The following EPHA3 variants were observed in gnomAD, a reference collection of about 807,000 sequenced individuals.
EPHA3 encodes the protein EPH receptor A3.
In EPHA3, 42 loss-of-function variants were observed where a neutral mutation model predicts 107.1. That is an observed-to-expected ratio of 0.39 (90% confidence interval 0.31 to 0.51). The LOEUF is 0.51. Ranked by LOEUF, EPHA3 falls within the 20% of genes least tolerant of loss-of-function variation. The probability of loss-of-function intolerance (pLI) is 0.78; values close to 1 mark genes in which losing one functional copy is unlikely to be tolerated. For synonymous variants in EPHA3, 461 were observed against 424.8 expected (o/e 1.09, Z -1.05); for missense variants, 1,183 against 1,211.2 (o/e 0.98, Z 0.35).
chr3:89,324,785 A>T (rs1478888665), intron 3 of EPHA3, among the ~76,000 whole-genome samples: 2 of 152,106 alleles, frequency 1.3e-5, no homozygotes, highest in Admixed American at 1.3e-4. Flanking sequence ...GAGATTTCGG[A>T]TATGAATGAT....
chr3:89,128,964 T>C (rs891325523), intron 2 of EPHA3, among the ~76,000 whole-genome samples: 6 of 152,066 alleles, frequency 3.9e-5, no homozygotes, highest in Non-Finnish European at 7.4e-5. Context: ...CAGTGGGGTA[T>C]TCTTAGCACC....
Position 89,472,514 on chromosome 3 carries a change from G to A in EPHA3, c.2741G>A (p.Arg914His), listed in dbSNP as rs17801309. ...DQSNVDITTF[R>H]TTGDWLNGVW... ...AGCAATGTGGATATCACTACCTTCC[G>A]CACAACAGGTGACTGGCTTAATGGT... The change falls in exon 16 of 17, where the codon CGC (arginine) becomes CAC (histidine). Residue 914 changes from arginine to histidine, a missense_variant. By Grantham distance (29) the Arg-to-His change is conservative. Transcript: ENST00000336596. The A allele has an allele frequency of 0.083, 133,613 of 1,613,382 alleles. 5,870 individuals are homozygous for A. The highest frequency in any genetic ancestry group is 0.1 in the Middle Eastern group (610 of 6,062).
At position 89,252,994 on chromosome 3, in the gene EPHA3, C is replaced by G. The variant is rs1576266499; in HGVS notation, c.814+42474C>G. On this transcript the variant is annotated intron_variant, in intron 3 of 16. Coordinates refer to ENST00000336596, the MANE Select transcript of EPHA3 (RefSeq NM_005233.6). ...AAACTTGCTTTACTTCTCTCTGCCCCCAACTTAGTCATTCTCCATTGCCAG... is the reference window on the plus strand; with the variant it reads ...AAACTTGCTTTACTTCTCTCTGCCCGCAACTTAGTCATTCTCCATTGCCAG... Among the ~76,000 whole-genome samples the G allele has an allele frequency of 2.6e-5, 4 of 151,834 alleles. No homozygotes were observed. The South Asian group carries it at 8.3e-4, about 32-fold the overall frequency.
In EPHA3 at chr3:89,419,366, C is replaced by T. The variant is rs1453560937; in HGVS notation, c.2050C>T (p.Arg684Ter). ...ACAGTTTGACCACCCCAATATCATT[C>T]GACTGGAAGGAGTTGTTACCAAAAG... ...MGQFDHPNII[R>*]LEGVVTKSKP... Residue 684 changes from arginine (R) to a stop codon, truncating the protein, a stop_gained, in exon 11 of 17, where the codon CGA (arginine) becomes TGA (stop). Transcript: ENST00000336596. LOFTEE classifies it high-confidence loss of function. 4 of 1,597,738 alleles carry T rather than the reference C, an allele frequency of 2.5e-6. No homozygotes were observed. Among genetic ancestry groups the T allele is most frequent in the South Asian group, 1.1e-5 (1 of 88,786 alleles).
At chr3:89,145,402 A>G (rs1318199874) in intron 2 of EPHA3, among the ~76,000 whole-genome samples, 1 of 151,766 alleles carries the variant, frequency 6.6e-6, no homozygotes, top group Non-Finnish European at 1.5e-5. Context: ...CTGTGTGAAC[A>G]TACTCAATTT....
intron 3 of EPHA3, among the ~76,000 whole-genome samples, chr3:89,259,006 A>C (rs1226287477): frequency 1.3e-5 from 2 of 152,170 alleles, no homozygotes; most frequent in Non-Finnish European, 2.9e-5. Flanking sequence ...AGTTTATTGA[A>C]TTGTACCAAT....
chr3:89,377,418 T>C (rs1708422876), intron 5 of EPHA3, among the ~76,000 whole-genome samples: 1 of 152,052 alleles, frequency 6.6e-6, no homozygotes, highest in South Asian at 2.1e-4. Flanking sequence ...ACCAACCCAT[T>C]AAAGCCAAAA....
intron 10 of EPHA3, among the ~76,000 whole-genome samples, chr3:89,415,390 A>C (rs137915587): frequency 1.3e-4 from 20 of 148,600 alleles, no homozygotes; most frequent in African/African-American, 4.9e-4. Flanking sequence ...ATTGATTACC[A>C]ACTGGCTTCC....
At chr3:89,163,269 TAGTG>T (rs1236334188) in intron 2 of EPHA3, among the ~76,000 whole-genome samples, 1 of 152,138 alleles carries the variant, frequency 6.6e-6, no homozygotes, top group East Asian at 1.9e-4. Flanking sequence ...GCCTAGTACA[TAGTG>T]AGCATTTAGC....
chr3:89,272,887 T>A (rs1705710299), intron 3 of EPHA3, among the ~76,000 whole-genome samples: 1 of 151,926 alleles, frequency 6.6e-6, no homozygotes, highest in African/African-American at 2.4e-5. Flanking sequence ...ATAGAATTAA[T>A]GTTCTCTGAT....
intron 2 of EPHA3, among the ~76,000 whole-genome samples, chr3:89,198,750 A>G (rs1319774538): frequency 6.6e-6 from 1 of 152,224 alleles, no homozygotes; most frequent in Admixed American, 6.5e-5. Flanking sequence ...CCGCAGGTAT[A>G]TTGTAAATTG....
intron 3 of EPHA3, among the ~76,000 whole-genome samples, chr3:89,303,957 G>A (rs1233807375): frequency 6.6e-6 from 1 of 151,976 alleles, no homozygotes; most frequent in Non-Finnish European, 1.5e-5. Context: ...ATTCTGTGTG[G>A]GTTTTGAACC....
chr3:89,277,384 A>C (rs1418183755), intron 3 of EPHA3, among the ~76,000 whole-genome samples: 1 of 152,146 alleles, frequency 6.6e-6, no homozygotes, highest in East Asian at 1.9e-4. Context: ...TATTTCATTC[A>C]GTACAATATT....
At chr3:89,402,921 G>A (rs894024500) in intron 7 of EPHA3, among the ~76,000 whole-genome samples, 5 of 152,016 alleles carry the variant, frequency 3.3e-5, no homozygotes, top group Non-Finnish European at 7.4e-5. Context: ...CAAGTAATCC[G>A]ACTGCCTTGG....
chr3:89,134,046 G>A lies in EPHA3; in HGVS notation c.153+6773G>A, dbSNP rs368514978. Among the ~76,000 whole-genome samples the A allele has an allele frequency of 1.5e-3, 215 of 145,124 alleles. 2 individuals are homozygous for A. Among genetic ancestry groups the A allele is most frequent in the African/African-American group, 5.0e-3 (196 of 38,994 alleles). On this transcript the variant is annotated intron_variant, in intron 2 of 16. Transcript: ENST00000336596. The stretch of plus-strand genomic sequence containing the variant: ...AACATTTTTTTTTTTTTTTACTTTC[G>A]CTCAGCTCATGAGGCACCCACTTAT...
intron 13 of EPHA3, among the ~76,000 whole-genome samples, chr3:89,443,878 A>C (rs1709829461): frequency 1.3e-5 from 2 of 152,180 alleles, no homozygotes; most frequent in African/African-American, 4.8e-5. Context: ...ACATTTGACC[A>C]AGATGTTCAG....
intron 5 of EPHA3, among the ~76,000 whole-genome samples, chr3:89,374,980 A>G (rs940419407): frequency 2.0e-5 from 3 of 151,808 alleles, no homozygotes; most frequent in Admixed American, 6.6e-5. Flanking sequence ...ATAATTTTCA[A>G]TATTATCTGT....
In EPHA3 at chr3:89,117,864, A is replaced by T. The variant is rs7626554; in HGVS notation, c.89-9345A>T. On this transcript the variant is annotated intron_variant, in intron 1 of 16. Coordinates refer to ENST00000336596, the MANE Select transcript of EPHA3 (RefSeq NM_005233.6). ...AAAGGCTAGAGTTATATACAAACTG[A>T]GATTTCTTTCCCCCTTGAATAAGTC... 5.9e-5 allele frequency among the ~76,000 whole-genome samples: 9 copies of T among 151,854 alleles called. No individual in the cohort carries two copies. In the South Asian group the frequency reaches 6.2e-4, roughly 10 times the overall value.
intron 3 of EPHA3, among the ~76,000 whole-genome samples, chr3:89,306,361 G>A (rs1236246059): frequency 6.6e-6 from 1 of 152,032 alleles, no homozygotes; most frequent in African/African-American, 2.4e-5. Context: ...GTCACCTCAA[G>A]ACAAGATAAT....
Sources: allele counts gnomAD v4.1 joint callset (sites outside exome capture counted in the v4.1 genomes callset), GRCh38; gene constraint gnomAD v4.1.1; transcripts MANE v1.5; gene names NCBI Gene and HGNC (gene_info 2026-07-23, HGNC 2026-07-21).